Variants in LHX2 observed in about 807,000 individuals in gnomAD.
The protein encoded by LHX2 is LIM/homeobox protein Lhx2.
In LHX2, 6 loss-of-function variants were observed where a neutral mutation model predicts 33.0. The ratio of observed to expected loss-of-function variants is 0.18; its 90% confidence interval spans 0.10 to 0.36. The LOEUF (loss-of-function observed/expected upper bound fraction) is 0.36. Among genes scored for constraint, LHX2 ranks in the 10% least tolerant of loss-of-function variants. LHX2 has a pLI of 1.00. For missense variants in LHX2, 442 were observed against 586.2 expected (o/e 0.75, Z 2.54); for synonymous variants, 292 against 253.1 (o/e 1.15, Z -1.46).
chr9:124,023,278 T>A (rs977524001), intron 4 of LHX2, among the ~76,000 whole-genome samples: 1 of 152,142 alleles, frequency 6.6e-6, no homozygotes, highest in Non-Finnish European at 1.5e-5. Flanking sequence ...GGGTTACACA[T>A]AAAATACACT....
intron 3 of LHX2, among the ~76,000 whole-genome samples, chr9:124,017,676 GGGGACAGTCCCTCCGAGGCGCGGC>G (rs2118756419): frequency 6.6e-6 from 1 of 152,284 alleles, no homozygotes; most frequent in Admixed American, 6.5e-5. Flanking sequence ...CTCTTGCTCT[GGGGACAGTCCCTCCGAGGCGCGGC>G]GGCACCTTAC....
chr9:124,012,405 C>T lies in LHX2; in HGVS notation c.57C>T (p.Asp19=). ...PEVHGVIDEM[D]RRAKSEAPAI... ...TGCACGGGGTCATCGACGAGATGGA[C>T]CGCAGGGCCAAGAGCGAGGCTCCCG... Residue 19 remains aspartate (D), a synonymous_variant, in exon 1 of 5, where the codon GAC becomes GAT. Transcript: ENST00000373615. This position sits in a 1 kb window ranked among gnomAD's most constrained non-coding sequence, Gnocchi z 4.3. The T allele has an allele frequency of 1.3e-6, 2 of 1,535,322 alleles. No individual in the cohort carries two copies. Among genetic ancestry groups the T allele is most frequent in the Non-Finnish European group, 1.7e-6 (2 of 1,146,058 alleles).
At chr9:124,022,597 C>T (rs567884651) in intron 4 of LHX2, among the ~76,000 whole-genome samples, 3 of 152,246 alleles carry the variant, frequency 2.0e-5, no homozygotes, top group Non-Finnish European at 4.4e-5. Flanking sequence ...CAGTCTGACC[C>T]ACCCTCCAGC....
chr9:124,031,575 TA>T (rs1367427517), intron 4 of LHX2: 3 of 152,246 alleles, frequency 2.0e-5, no homozygotes, highest in African/African-American at 4.8e-5. Flanking sequence ...TTTTAAGTTT[TA>T]AATGTCCTAG....
intron 3 of LHX2, among the ~76,000 whole-genome samples, chr9:124,019,058 A>G (rs975366101): frequency 6.6e-6 from 1 of 152,198 alleles, no homozygotes; most frequent in Non-Finnish European, 1.5e-5. Context: ...GACTGGGGGA[A>G]AGAAAAGGGT....
rs756691244 is a variant in LHX2, at chr9:124,024,571, G to T, written c.933+3267G>T. Among the ~76,000 whole-genome samples, 20 of 152,198 alleles carry T rather than the reference G, an allele frequency of 1.3e-4. 1 individual carries two copies. Among genetic ancestry groups the T allele is most frequent in the Non-Finnish European group, 2.1e-4 (14 of 68,038 alleles). ...TTATCTATGAAATGGGGATGAGAAG[G>T]ATACCTTACTGGTGGTTGCACGGAG... On this transcript the variant is annotated intron_variant, in intron 4 of 4. Coordinates refer to ENST00000373615, the MANE Select transcript of LHX2 (RefSeq NM_004789.4).
At chr9:124,021,984 C>T (rs1859301411) in intron 4 of LHX2, 1 of 152,576 alleles carries the variant, frequency 6.6e-6, no homozygotes, top group African/African-American at 2.4e-5. Context: ...CTCAGCAGAA[C>T]TGCACTTACA....
intron 3 of LHX2, among the ~76,000 whole-genome samples, chr9:124,019,676 G>A (rs1859257396): frequency 6.6e-6 from 1 of 152,144 alleles, no homozygotes; most frequent in Admixed American, 6.5e-5. Context: ...TTATTTTTCT[G>A]AAATTTATAT....
chr9:124,012,248 A>T lies in LHX2; in HGVS notation c.-101A>T. ...GGGCGGGGCCGGGGCCGCGGTGGCG[A>T]TGCACCGGGCCCGTTAGCGCCAGGA... On this transcript the variant is annotated 5_prime_UTR_variant, in exon 1 of 5. The change abolishes an upstream ATG in the 5' untranslated region. Transcript: ENST00000373615. The surrounding 1 kb of genome is among the most constrained non-coding windows in gnomAD (Gnocchi z 4.3). 1 of 1,170,426 alleles carries T rather than the reference A, an allele frequency of 8.5e-7. No homozygotes were observed. Among genetic ancestry groups the T allele is most frequent in the Non-Finnish European group, 1.1e-6 (1 of 927,792 alleles). 72.5% of individuals were successfully genotyped at this position (1,170,426 alleles called of 1,614,324 possible).
chr9:124,019,234 G>A (rs1859250507), intron 3 of LHX2, among the ~76,000 whole-genome samples: 1 of 152,188 alleles, frequency 6.6e-6, no homozygotes, highest in Admixed American at 6.5e-5. Flanking sequence ...GAGGCCCCTA[G>A]GAGGTGTAGC....
intron 4 of LHX2, among the ~76,000 whole-genome samples, chr9:124,025,779 T>C (rs1015364350): frequency 2.6e-5 from 4 of 152,028 alleles, no homozygotes; most frequent in Admixed American, 6.5e-5. Context: ...AGGCCAGGCA[T>C]TTGAGACCAG....
At position 124,014,071 on chromosome 9, in the gene LHX2, C is replaced by T; in HGVS notation, c.231C>T (p.Cys77=). Residue 77 remains cysteine (C), a synonymous_variant, in exon 2 of 5, where the codon TGC becomes TGT. Transcript: ENST00000373615. This position sits in a 1 kb window ranked among gnomAD's most constrained non-coding sequence, Gnocchi z 4.8. ...LAVDKQWHMR[C]LKCCECKLNL... ...TGGACAAGCAGTGGCACATGCGCTG[C>T]CTCAAGTGCTGCGAGTGCAAGCTCA... The T allele has an allele frequency of 1.9e-6, 3 of 1,613,696 alleles. No homozygotes were observed. Among genetic ancestry groups the T allele is most frequent in the Middle Eastern group, 1.6e-4 (1 of 6,062 alleles).
At position 124,021,137 on chromosome 9, in the gene LHX2, C is replaced by T. The variant is rs777556738; in HGVS notation, c.766C>T (p.Arg256Cys). The stretch of plus-strand genomic sequence containing the variant: ...CGAAAACGACGCAGAGCACCTGGAC[C>T]GTGACCAGCCATACCCGAGCAGCCA... ...CNENDAEHLDRDQPYPSSQKT... is the reference protein window; with the variant it reads ...CNENDAEHLDCDQPYPSSQKT... Residue 256 changes from arginine to cysteine, a missense_variant, in exon 4 of 5, where the codon CGT (arginine) becomes TGT (cysteine). This residue lies in a region of LHX2 where 132 missense variants were observed against 139.1 expected (regional missense o/e 0.95). Coordinates refer to ENST00000373615, the MANE Select transcript of LHX2 (RefSeq NM_004789.4). The T allele has an allele frequency of 1.2e-6, 2 of 1,614,040 alleles. No homozygotes were observed. The highest frequency in any genetic ancestry group is 1.3e-5 in the African/African-American group (1 of 74,944).
At chr9:124,021,013 T>TTAAG in intron 3 of LHX2, 86 bp from the exon 4 acceptor site, 1 of 1,192,442 alleles carries the variant, frequency 8.4e-7, no homozygotes, top group Non-Finnish European at 1.2e-6. Flanking sequence ...AGGATTGAAA[T>TTAAG]GTTTGGCAGT....
At chr9:124,022,730 G>T (rs937459649) in intron 4 of LHX2, among the ~76,000 whole-genome samples, 2 of 152,244 alleles carry the variant, frequency 1.3e-5, no homozygotes, top group Admixed American at 6.5e-5. Context: ...ACAAAAAAAT[G>T]CCCTCTGTGG....
Position 124,032,503 on chromosome 9 carries a change from G to A in LHX2, c.1017G>A (p.Ala339=), listed in dbSNP as rs138022431. ...ENTGVDKSTD[A]ALQTGTPSGP... Reference sequence around the variant, plus strand: ...CGGGCGTGGACAAGTCGACAGACGCGGCGCTGCAGACAGGGACGCCATCGG... The same window carrying A: ...CGGGCGTGGACAAGTCGACAGACGCAGCGCTGCAGACAGGGACGCCATCGG... Residue 339 remains alanine (A), a synonymous_variant, in exon 5 of 5, where the codon GCG becomes GCA. Transcript: ENST00000373615. This position sits in a 1 kb window ranked among gnomAD's most constrained non-coding sequence, Gnocchi z 4.1. 3.8e-5 allele frequency: 61 copies of A among 1,613,140 alleles called. No homozygotes were observed. The East Asian group carries it at 1.1e-3, about 30-fold the overall frequency.
chr9:124,013,809 G>A, intron 1 of LHX2, 152 bp from the exon 2 acceptor site: 1 of 699,198 alleles, frequency 1.4e-6, no homozygotes, highest in South Asian at 1.8e-5. Flanking sequence ...GGCCTTTTGG[G>A]GTGGGGGGAA....
In LHX2 at chr9:124,014,291, C is replaced by CG. The variant is rs1859147717; in HGVS notation, c.323+128_323+129insG. ...CACTACTCAGGACTCCCCCGCTCCC[C>CG]CCCCAAGTTCTCCAAGCCACCACAA... On this transcript the variant is annotated intron_variant, in intron 2 of 4. Coordinates refer to ENST00000373615, the MANE Select transcript of LHX2 (RefSeq NM_004789.4). This position sits in a 1 kb window ranked among gnomAD's most constrained non-coding sequence, Gnocchi z 4.8. 1 of 623,776 alleles carries CG rather than the reference C, an allele frequency of 1.6e-6. No individual in the cohort carries two copies. The highest frequency in any genetic ancestry group is 3.0e-6 in the Non-Finnish European group (1 of 334,648). The allele number at this position is 623,776 out of a possible 1,614,324, so 38.6% of individuals were successfully genotyped here.
chr9:124,032,142 T>A lies in LHX2; in HGVS notation c.934-278T>A. 1 of 381,334 alleles carries A rather than the reference T, an allele frequency of 2.6e-6. No homozygotes were observed. The highest frequency in any genetic ancestry group is 4.7e-6 in the Non-Finnish European group (1 of 214,394). 23.6% of individuals were successfully genotyped at this position (381,334 alleles called of 1,614,324 possible). ...CTATAGCCCCAGCTACCCAGGAGGCTGAGGCGGGAGGATCGCTTGATCCCA... is the reference window on the plus strand; with the variant it reads ...CTATAGCCCCAGCTACCCAGGAGGCAGAGGCGGGAGGATCGCTTGATCCCA... On this transcript the variant is annotated intron_variant, in intron 4 of 4. Transcript: ENST00000373615. The surrounding 1 kb of genome is among the most constrained non-coding windows in gnomAD (Gnocchi z 4.1).
Sources: gnomAD v4.1 joint callset for allele counts (sites outside exome capture counted in the v4.1 genomes callset) on GRCh38, gnomAD v4.1.1 for gene constraint, gnomAD v4.1.1 regional missense constraint, Gnocchi (gnomAD v3.1) non-coding constraint, MANE v1.5 for transcripts, NCBI Gene and HGNC (gene_info 2026-07-23, HGNC 2026-07-21) for gene names.